FBXL7: variants seen among roughly 807,000 people sequenced by gnomAD.
The protein encoded by FBXL7 is F-box/LRR-repeat protein 7.
In FBXL7, 12 loss-of-function variants were observed where a neutral mutation model predicts 38.3. The ratio of observed to expected loss-of-function variants is 0.31; its 90% CI spans 0.20 to 0.51. The LOEUF (loss-of-function observed/expected upper bound fraction) is 0.51, where lower values mean the gene tolerates loss of function less well. FBXL7 is among the 20% of genes least tolerant of loss of function. FBXL7 has a pLI of 0.98. For synonymous variants in FBXL7, 297 were observed against 300.9 expected (o/e 0.99, Z 0.13); for missense variants, 567 against 676.4 (o/e 0.84, Z 1.79).
At chr5:15,676,372 T>C (rs1742655230) in intron 2 of FBXL7, among the ~76,000 whole-genome samples, 1 of 152,236 alleles carries the variant, frequency 6.6e-6, no homozygotes, top group African/African-American at 2.4e-5. Context: ...ACCTGACTTT[T>C]TGATCTTTAA....
In FBXL7 at chr5:15,938,907, C is replaced by T. The variant is rs77658624; in HGVS notation, c.*1721C>T. 261 of 398,776 alleles carry T rather than the reference C, an allele frequency of 6.5e-4. 3 individuals carry two copies. The highest frequency in any genetic ancestry group is 4.9e-3 in the African/African-American group (240 of 48,754). The allele number at this position is 398,776 out of a possible 1,614,324, so 24.7% of individuals were successfully genotyped here. On this transcript the variant is annotated 3_prime_UTR_variant, in exon 4 of 4. Transcript: ENST00000504595. ...CAGATTATTCTCTAGCCAAGCCCCA[C>T]CTTTGTTACGTTGAAATCCCTCATT...
intron 1 of FBXL7, among the ~76,000 whole-genome samples, chr5:15,599,200 TAGC>T (rs1739714454): frequency 1.3e-5 from 2 of 152,222 alleles, no homozygotes; most frequent in African/African-American, 2.4e-5. Context: ...TTAGGGGACA[TAGC>T]AGGTAATAAA....
At chr5:15,723,977 C>A (rs1191852303) in intron 2 of FBXL7, among the ~76,000 whole-genome samples, 1 of 152,134 alleles carries the variant, frequency 6.6e-6, no homozygotes, top group African/African-American at 2.4e-5. Flanking sequence ...GAAGGGCAAT[C>A]CCCTCAGTTT....
In FBXL7 at chr5:15,718,583, G is replaced by A. The variant is rs114715273; in HGVS notation, c.127+102511G>A. ...TAGCGTAACTAGGCATGCAGGCATC[G>A]TGATAATCACAAGTTTTTCATTTGG... On this transcript the variant is annotated intron_variant, in intron 2 of 3. Transcript: ENST00000504595. Among the ~76,000 whole-genome samples, 1,097 of 152,298 alleles carry A rather than the reference G, an allele frequency of 7.2e-3. 6 individuals are homozygous for A. The highest frequency in any genetic ancestry group is 0.01 in the Middle Eastern group (3 of 294).
chr5:15,825,976 A>G (rs574106059), intron 2 of FBXL7, among the ~76,000 whole-genome samples: 20 of 152,320 alleles, frequency 1.3e-4, no homozygotes, highest in African/African-American at 4.6e-4. Context: ...TGCCTGAAGT[A>G]TATCCTATAA....
chr5:15,847,586 A>G (rs1470326035), intron 2 of FBXL7, among the ~76,000 whole-genome samples: 1 of 152,132 alleles, frequency 6.6e-6, no homozygotes, highest in African/African-American at 2.4e-5. Context: ...AGCAAGACCT[A>G]TGCATATGAA....
intron 2 of FBXL7, among the ~76,000 whole-genome samples, chr5:15,620,540 G>A (rs1205573893): frequency 5.3e-5 from 8 of 151,310 alleles, no homozygotes; most frequent in East Asian, 1.9e-4. Flanking sequence ...GTGAGCCACC[G>A]CACCTGGCCC....
At chr5:15,745,439 T>C (rs1735989734) in intron 2 of FBXL7, among the ~76,000 whole-genome samples, 1 of 152,176 alleles carries the variant, frequency 6.6e-6, no homozygotes, top group African/African-American at 2.4e-5. Flanking sequence ...CTCATGGACT[T>C]TATATTTTAG....
At chr5:15,616,413 G>A (rs1195027442) in intron 2 of FBXL7, among the ~76,000 whole-genome samples, 1 of 152,194 alleles carries the variant, frequency 6.6e-6, no homozygotes, top group Non-Finnish European at 1.5e-5. Context: ...TTGTGCTGTA[G>A]TTGAATGTTC....
At chr5:15,637,951 A>G (rs568608027) in intron 2 of FBXL7, among the ~76,000 whole-genome samples, 1 of 152,300 alleles carries the variant, frequency 6.6e-6, no homozygotes, top group Non-Finnish European at 1.5e-5. Context: ...TATCTTTGAA[A>G]ACTGGGGGAA....
Position 15,547,497 on chromosome 5 carries a change from A to G in FBXL7, c.37+46784A>G, listed in dbSNP as rs530405037. ...GGTGAGACAGGACACCCCCACACAC[A>G]AGTTACTTGAAGCAGTTTATTAGTT... is the stretch of plus-strand genomic sequence containing the variant. On this transcript the variant is annotated intron_variant, in intron 1 of 3. Transcript: ENST00000504595. 2.6e-5 allele frequency among the ~76,000 whole-genome samples: 4 copies of G among 152,292 alleles called. No individual in the cohort carries two copies. The South Asian group carries it at 8.3e-4, about 32-fold the overall frequency.
chr5:15,705,545 GATTGTA>G lies in FBXL7; in HGVS notation c.127+89476_127+89481del, dbSNP rs557956707. 6.4e-4 allele frequency among the ~76,000 whole-genome samples: 97 copies of G among 152,292 alleles called. 1 individual carries two copies. Among genetic ancestry groups the G allele is most frequent in the Non-Finnish European group, 9.7e-4 (66 of 68,020 alleles). ...ATATTGAAGAGCAGTAACAGTTTGG[GATTGTA>G]ATGAAAAATTATCACTAGAAAGTCA... is the stretch of plus-strand genomic sequence containing the variant. On this transcript the variant is annotated intron_variant, in intron 2 of 3. Transcript: ENST00000504595.
intron 2 of FBXL7, among the ~76,000 whole-genome samples, chr5:15,894,286 A>C (rs901950275): frequency 6.6e-6 from 1 of 152,212 alleles, no homozygotes; most frequent in Non-Finnish European, 1.5e-5. Context: ...CAAAACAAAC[A>C]AACAAACAAA....
At chr5:15,658,969 C>T (rs561552527) in intron 2 of FBXL7, among the ~76,000 whole-genome samples, 1 of 152,260 alleles carries the variant, frequency 6.6e-6, no homozygotes, top group South Asian at 2.1e-4. Flanking sequence ...CCTACCTTCA[C>T]TGGGACTTCT....
At chr5:15,721,399 T>C (rs751155933) in intron 2 of FBXL7, among the ~76,000 whole-genome samples, 42 of 152,284 alleles carry the variant, frequency 2.8e-4, no homozygotes, top group Non-Finnish European at 5.6e-4. Flanking sequence ...TCACCCATAA[T>C]ATGTGGGAAG....
At chr5:15,829,863 A>G (rs1335235480) in intron 2 of FBXL7, among the ~76,000 whole-genome samples, 2 of 152,180 alleles carry the variant, frequency 1.3e-5, no homozygotes, top group African/African-American at 4.8e-5. Flanking sequence ...TTTCCTTTGT[A>G]AAGATCCTGA....
At chr5:15,578,843 A>T (rs1739047451) in intron 1 of FBXL7, among the ~76,000 whole-genome samples, 1 of 152,238 alleles carries the variant, frequency 6.6e-6, no homozygotes, top group African/African-American at 2.4e-5. Context: ...TCGAGATGGA[A>T]TATCTTTGGA....
At chr5:15,741,682 G>A (rs544268132) in intron 2 of FBXL7, among the ~76,000 whole-genome samples, 20 of 151,886 alleles carry the variant, frequency 1.3e-4, no homozygotes, top group Middle Eastern at 6.8e-3. Flanking sequence ...CAAGGCGTGA[G>A]GCAAAAAAGG....
intron 2 of FBXL7, among the ~76,000 whole-genome samples, chr5:15,741,316 TATATGAAAC>T (rs1380930196): frequency 1.3e-5 from 2 of 152,250 alleles, no homozygotes; most frequent in African/African-American, 4.8e-5. Flanking sequence ...AGTTTTACCT[TATATGAAAC>T]ATGAGATCTA....
Sources: allele counts gnomAD v4.1 joint callset (sites outside exome capture counted in the v4.1 genomes callset), GRCh38; gene constraint gnomAD v4.1.1; transcripts MANE v1.5; gene names NCBI Gene and HGNC (gene_info 2026-07-23, HGNC 2026-07-21).